Variants in KIF27 observed in about 807,000 individuals in gnomAD.
The protein encoded by KIF27 is kinesin-like protein KIF27.
KIF27 carries 84 observed loss-of-function variants against 141.8 expected under a neutral mutation model. The observed-to-expected ratio is 0.59, with a 90% CI of 0.50 to 0.71. The LOEUF (loss-of-function observed/expected upper bound fraction) is 0.71. KIF27 is among the 30% of genes least tolerant of loss of function. The probability of loss-of-function intolerance (pLI) is 0.00; values close to 1 mark genes in which losing one functional copy is unlikely to be tolerated. For missense variants in KIF27, 1,306 were observed against 1,628.4 expected, an observed-to-expected ratio of 0.80 and a Z score of 3.41; for synonymous variants, 471 against 569.5, an observed-to-expected ratio of 0.83 and a Z score of 2.46.
chr9:83,863,961 C>A (rs2131945007), intron 13 of KIF27: 1 of 152,276 alleles, frequency 6.6e-6, no homozygotes, highest in East Asian at 1.9e-4. Flanking sequence ...AGTTTATTTG[C>A]ATAGAGGTGT....
At chr9:83,865,004 CT>C (rs1227635745) in intron 13 of KIF27, among the ~76,000 whole-genome samples, 2 of 152,076 alleles carry the variant, frequency 1.3e-5, no homozygotes, top group Non-Finnish European at 2.9e-5. Flanking sequence ...CAACCCCTGC[CT>C]TTTTTTGTTT....
At chr9:83,895,824 A>C (rs569109380) in intron 5 of KIF27, among the ~76,000 whole-genome samples, 1 of 152,206 alleles carries the variant, frequency 6.6e-6, no homozygotes, top group African/African-American at 2.4e-5. Context: ...TTGGGAGGCC[A>C]AGGCAGGTAG....
intron 14 of KIF27, among the ~76,000 whole-genome samples, chr9:83,857,946 A>C (rs1949431465): frequency 6.7e-6 from 1 of 149,668 alleles, no homozygotes; most frequent in Non-Finnish European, 1.5e-5. Flanking sequence ...TAATTTCTCA[A>C]GGGAAACATA....
At chr9:83,852,026 G>C (rs1337807532) in intron 15 of KIF27, among the ~76,000 whole-genome samples, 1 of 152,108 alleles carries the variant, frequency 6.6e-6, no homozygotes, top group East Asian at 1.9e-4. Context: ...TACTCAGGAG[G>C]CTGAGGCAGG....
Position 83,853,692 on chromosome 9 carries a change from C to G in KIF27, c.3294G>C (p.Leu1098Phe). ...HNLSRGEANV[L>F]EKLACLSPVE... ...CAGGACTCAGGCAAGCTAGCTTTTC[C>G]AAGACATTTGCTTCACCACGAGAGA... The change falls in exon 15 of 18, where the codon TTG (leucine) becomes TTC (phenylalanine). Residue 1098 changes from leucine to phenylalanine, a missense_variant. This residue lies in a region of KIF27 where 596 missense variants were observed against 751.6 expected (regional missense o/e 0.79). Transcript: ENST00000297814. 6.2e-7 allele frequency: 1 copy of G among 1,613,718 alleles called. No homozygotes were observed. Among genetic ancestry groups the G allele is most frequent in the Non-Finnish European group, 8.5e-7 (1 of 1,179,772 alleles).
chr9:83,880,631 T>C lies in KIF27; in HGVS notation c.2446-137A>G, dbSNP rs571097254. ...TTATTTTTGACAGGTTTACAAACAA[T>C]TGCTTACTATCATACATTTCCATTT... On this transcript the variant is annotated intron_variant, in intron 10 of 17. Coordinates refer to ENST00000297814, the MANE Select transcript of KIF27 (RefSeq NM_017576.4). 47 of 722,510 alleles carry C rather than the reference T, an allele frequency of 6.5e-5. No homozygotes were observed. The Middle Eastern group carries it at 8.7e-4, about 13-fold the overall frequency. The allele number at this position is 722,510 out of a possible 1,614,324, so 44.8% of individuals were successfully genotyped here. A position where few individuals can be genotyped will look rare whatever the true frequency, so the allele number is the denominator to read the frequency against.
intron 12 of KIF27, among the ~76,000 whole-genome samples, chr9:83,869,848 T>C (rs145538549): frequency 2.7e-4 from 41 of 152,298 alleles, no homozygotes; most frequent in Non-Finnish European, 3.2e-4. Context: ...TAAGAATATA[T>C]TGATTCTGCT....
At chr9:83,889,569 A>G (rs12552840) in intron 6 of KIF27, among the ~76,000 whole-genome samples, 55,897 of 150,860 alleles carry the variant, frequency 0.37, 10,607 homozygotes, top group African/African-American at 0.39. Context: ...CTTAAACACA[A>G]CACAGACACA....
At chr9:83,915,166 T>C (rs1253560341) in intron 2 of KIF27, 128 bp downstream of exon 2, 2 of 698,006 alleles carry the variant, frequency 2.9e-6, no homozygotes. Context: ...ATGATCACAT[T>C]TGATTACATG....
intron 17 of KIF27, among the ~76,000 whole-genome samples, chr9:83,839,165 TA>T (rs202002804): frequency 3.2e-4 from 47 of 148,800 alleles, no homozygotes; most frequent in Middle Eastern, 3.5e-3. Flanking sequence ...ACCCCAACTC[TA>T]AAAAAAAAAT....
intron 11 of KIF27, among the ~76,000 whole-genome samples, chr9:83,873,601 T>C (rs1260644564): frequency 1.3e-5 from 2 of 152,220 alleles, no homozygotes; most frequent in African/African-American, 2.4e-5. Flanking sequence ...GACTCTATTA[T>C]GTTTACCACC....
At position 83,836,673 on chromosome 9, in the gene KIF27, TATA is replaced by T. The variant is rs1160763360; in HGVS notation, c.*325_*327del. On this transcript the variant is annotated 3_prime_UTR_variant, in exon 18 of 18. Coordinates refer to ENST00000297814, the MANE Select transcript of KIF27 (RefSeq NM_017576.4). The stretch of plus-strand genomic sequence containing the variant: ...ACTTTTATGATGTACATTTATATTA[TATA>T]ATAATACATACTTGATAGATATTTT... The T allele has an allele frequency of 2.1e-5, 4 of 187,026 alleles. No homozygotes were observed. The highest frequency in any genetic ancestry group is 2.4e-5 in the African/African-American group (1 of 42,178). 11.6% of individuals were successfully genotyped at this position (187,026 alleles called of 1,614,324 possible). A position where few individuals can be genotyped will look rare whatever the true frequency, so the allele number is the denominator to read the frequency against.
chr9:83,919,075 A>G (rs990974067), intron 1 of KIF27, among the ~76,000 whole-genome samples: 2 of 151,982 alleles, frequency 1.3e-5, no homozygotes, highest in Non-Finnish European at 2.9e-5. Context: ...GACTGTCTCA[A>G]ACAAACAAAC....
Position 83,903,124 on chromosome 9 carries a change from C to G in KIF27, c.1394G>C (p.Ser465Thr). The change falls in exon 4 of 18, where the codon AGT becomes ACT. Residue 465 changes from serine (S) to threonine (T), a missense_variant. Ser to Thr is a moderately conservative substitution (Grantham distance 58, BLOSUM62 1). Coordinates refer to ENST00000297814, the MANE Select transcript of KIF27 (RefSeq NM_017576.4). Reference protein sequence around the residue: ...TSFRGIGGTASLEEGPQHVTV... With the variant: ...TSFRGIGGTATLEEGPQHVTV... The stretch of plus-strand genomic sequence containing the variant: ...AACATGCTGTGGTCCTTCTTCCAGA[C>G]TTGCAGTGCCTCCGATTCCTCGAAA... The G allele has an allele frequency of 6.2e-7, 1 of 1,614,186 alleles. No homozygotes were observed. Among genetic ancestry groups the G allele is most frequent in the Non-Finnish European group, 8.5e-7 (1 of 1,180,038 alleles).
chr9:83,889,121 C>G lies in KIF27; in HGVS notation c.1942G>C (p.Asp648His), dbSNP rs1160683485. 3 of 1,613,602 alleles carry G rather than the reference C, an allele frequency of 1.9e-6. No individual in the cohort carries two copies. The African/African-American group carries it at 4.0e-5, about 22-fold the overall frequency. ...TTCTCTTGGCCTTCTGATTCTTCAT[C>G]ATCACTGTTATCAGAAAATTGGCAG... ...LHCQFSDNSDDEESEGQEKSG... is the reference protein window; with the variant it reads ...LHCQFSDNSDHEESEGQEKSG... The change falls in exon 7 of 18, where the codon GAT (aspartate) becomes CAT (histidine). Residue 648 changes from aspartate to histidine, a missense_variant. Asp to His is a moderately conservative substitution (Grantham distance 81). This residue lies in a region of KIF27 where 596 missense variants were observed against 751.6 expected (regional missense o/e 0.79). Transcript: ENST00000297814.
intron 16 of KIF27, chr9:83,848,837 G>A (rs945268706): frequency 1.3e-5 from 2 of 151,064 alleles, no homozygotes; most frequent in African/African-American, 4.9e-5. Flanking sequence ...TTTTGAGACA[G>A]GGTCTTAACT....
intron 13 of KIF27, among the ~76,000 whole-genome samples, chr9:83,862,810 T>C (rs1460320335): frequency 1.3e-5 from 2 of 152,214 alleles, no homozygotes; most frequent in East Asian, 1.9e-4. Context: ...CCCATGAGCA[T>C]GGAATATTCT....
intron 5 of KIF27, among the ~76,000 whole-genome samples, chr9:83,892,074 G>A (rs1020356941): frequency 2.6e-5 from 4 of 152,212 alleles, no homozygotes; most frequent in Non-Finnish European, 4.4e-5. Context: ...GTGTGTTTGT[G>A]TATATGTGGT....
At chr9:83,905,205 G>A (rs1311589338) in intron 3 of KIF27, among the ~76,000 whole-genome samples, 2 of 151,070 alleles carry the variant, frequency 1.3e-5, no homozygotes, top group Non-Finnish European at 2.9e-5. Context: ...TGCAAGCTCC[G>A]CCTCCCGGGT....
Sources: allele counts gnomAD v4.1 joint callset (sites outside exome capture counted in the v4.1 genomes callset), GRCh38; gene constraint gnomAD v4.1.1; regional missense constraint gnomAD v4.1.1; transcripts MANE v1.5; gene names NCBI Gene and HGNC (gene_info 2026-07-23, HGNC 2026-07-21).